The following SPATA17 variants were observed in gnomAD, a reference collection of about 807,000 sequenced individuals.
SPATA17 encodes spermatogenesis-associated protein 17.
In SPATA17, 53 loss-of-function variants were observed where a neutral mutation model predicts 62.2. The ratio of observed to expected loss-of-function variants is 0.85; its 90% CI spans 0.68 to 1.07. The LOEUF is 1.07. Ranked by LOEUF, SPATA17 falls within the 50% of genes least tolerant of loss-of-function variation. The pLI, the probability that SPATA17 is intolerant of heterozygous loss-of-function variation, is 0.00. For synonymous variants in SPATA17, 146 were observed against 146.8 expected (o/e 0.99, Z 0.04); for missense variants, 466 against 425.5 (o/e 1.10, Z -0.84).
intron 4 of SPATA17, among the ~76,000 whole-genome samples, chr1:217,677,340 T>C (rs1351054474): frequency 1.3e-5 from 2 of 151,958 alleles, no homozygotes; most frequent in African/African-American, 2.4e-5. Context: ...AATGATTAAA[T>C]ATGTGTCAGA....
chr1:217,631,791 G>A (rs1045582894), intron 1 of SPATA17, among the ~76,000 whole-genome samples: 6 of 152,164 alleles, frequency 3.9e-5, no homozygotes, highest in African/African-American at 1.4e-4. Flanking sequence ...CTAGCCCAAT[G>A]AACTCAGATT....
At chr1:217,756,313 A>AT (rs1204699051) in intron 6 of SPATA17, among the ~76,000 whole-genome samples, 1 of 125,144 alleles carries the variant, frequency 8.0e-6, no homozygotes, top group Admixed American at 7.6e-5. Flanking sequence ...GCCCAAATAT[A>AT]TTTTTTGTGG....
chr1:217,769,732 A>G (rs573392354), intron 6 of SPATA17, among the ~76,000 whole-genome samples: 1 of 152,324 alleles, frequency 6.6e-6, no homozygotes, highest in African/African-American at 2.4e-5. Flanking sequence ...ATAAGTTCTG[A>G]CCAGATGTAT....
rs1674321411 is a variant in SPATA17 at position 217,801,835 on chromosome 1, A to C, written c.990A>C (p.Lys330Asn). 4 of 1,607,968 alleles carry C rather than the reference A, an allele frequency of 2.5e-6. No homozygotes were observed. In the East Asian group the frequency reaches 9.0e-5, roughly 36 times the overall value. ...KEQFRSENPK[K>N]WICDKDFQTV... ...AATTCCGAAGTGAAAATCCTAAGAAATGGATCTGTGACAAGGTGAGTTAAC... is the reference window on the plus strand; with the variant it reads ...AATTCCGAAGTGAAAATCCTAAGAACTGGATCTGTGACAAGGTGAGTTAAC... Residue 330 changes from lysine to asparagine, a missense_variant, in exon 9 of 11, where the codon AAA (lysine) becomes AAC (asparagine). Physicochemically the swap from Lys to Asn is moderately conservative, Grantham distance 94 (BLOSUM62 0). Transcript: ENST00000366933.
At chr1:217,725,699 G>C (rs1672244042) in intron 5 of SPATA17, among the ~76,000 whole-genome samples, 1 of 152,164 alleles carries the variant, frequency 6.6e-6, no homozygotes, top group African/African-American at 2.4e-5. Context: ...CTGACCTCAA[G>C]TGATCGGCCC....
chr1:217,780,860 A>G (rs1042373113), intron 7 of SPATA17, among the ~76,000 whole-genome samples: 5 of 152,174 alleles, frequency 3.3e-5, no homozygotes, highest in Non-Finnish European at 7.4e-5. Flanking sequence ...AATGATGAAC[A>G]TCGGCATAGA....
chr1:217,755,191 A>G (rs937725348), intron 6 of SPATA17, among the ~76,000 whole-genome samples: 1 of 152,068 alleles, frequency 6.6e-6, no homozygotes, highest in Non-Finnish European at 1.5e-5. Context: ...TTTTGGTGTG[A>G]TATGATTTTA....
intron 1 of SPATA17, among the ~76,000 whole-genome samples, chr1:217,631,701 G>C (rs1002130255): frequency 6.6e-6 from 1 of 152,110 alleles, no homozygotes; most frequent in African/African-American, 2.4e-5. Flanking sequence ...ATTGTAAAGT[G>C]CTTTTTTTCT....
chr1:217,777,122 C>T (rs1289699784), intron 7 of SPATA17, among the ~76,000 whole-genome samples: 2 of 152,124 alleles, frequency 1.3e-5, no homozygotes, highest in African/African-American at 4.8e-5. Context: ...TAAGACAGCC[C>T]TGCATTCTAT....
chr1:217,637,959 T>A (rs905408022), intron 1 of SPATA17, among the ~76,000 whole-genome samples: 2 of 152,146 alleles, frequency 1.3e-5, no homozygotes, highest in African/African-American at 4.8e-5. Flanking sequence ...GTAACAGGGA[T>A]AATAATGCCT....
At chr1:217,825,519 A>G (rs1316462989) in intron 9 of SPATA17, among the ~76,000 whole-genome samples, 1 of 151,918 alleles carries the variant, frequency 6.6e-6, no homozygotes, top group East Asian at 1.9e-4. Flanking sequence ...CTAAAGATTA[A>G]TCTGGTTTGG....
intron 5 of SPATA17, among the ~76,000 whole-genome samples, chr1:217,727,769 T>A (rs2102939152): frequency 6.6e-6 from 1 of 152,290 alleles, no homozygotes; most frequent in African/African-American, 2.4e-5. Context: ...GTAATAAGGA[T>A]GAAAAGGCAA....
chr1:217,851,900 T>C (rs1346326590), intron 9 of SPATA17, among the ~76,000 whole-genome samples: 2 of 152,220 alleles, frequency 1.3e-5, no homozygotes, highest in African/African-American at 4.8e-5. Flanking sequence ...CCTTCATTTG[T>C]TAGCTATGCC....
chr1:217,848,799 A>G (rs1322895208), intron 9 of SPATA17, among the ~76,000 whole-genome samples: 2 of 151,824 alleles, frequency 1.3e-5, no homozygotes, highest in Non-Finnish European at 2.9e-5. Context: ...GATCTTTTTT[A>G]CTGGAGCTCC....
chr1:217,774,183 T>G (rs1298532458), intron 6 of SPATA17, 151 bp from the exon 7 acceptor site: 3 of 615,402 alleles, frequency 4.9e-6, no homozygotes, highest in African/African-American at 1.8e-5. Flanking sequence ...TAAAATCTCT[T>G]TAGGTAAATC....
chr1:217,750,147 G>T (rs1571779659), intron 6 of SPATA17, among the ~76,000 whole-genome samples: 2 of 151,190 alleles, frequency 1.3e-5, no homozygotes, highest in African/African-American at 4.9e-5. Flanking sequence ...TACCGTTAAA[G>T]ATGTATTTCT....
At chr1:217,749,985 C>CTCTCTCTATATATATATATATA in intron 6 of SPATA17, among the ~76,000 whole-genome samples, 22 of 12,308 alleles carry the variant, frequency 1.8e-3, no homozygotes, top group Non-Finnish European at 2.4e-3. Flanking sequence ...CTCTCTCTCT[C>CTCTCTCTATATATATATATATA]TATATATATA....
chr1:217,812,156 C>T (rs2102992526), intron 9 of SPATA17, among the ~76,000 whole-genome samples: 1 of 152,218 alleles, frequency 6.6e-6, no homozygotes, highest in Admixed American at 6.5e-5. Context: ...CTTTCATTCA[C>T]TTATATTATT....
At position 217,742,066 on chromosome 1, in the gene SPATA17, C is replaced by G. The variant is rs895354165; in HGVS notation, c.487C>G (p.Arg163Gly). 9 of 1,613,936 alleles carry G rather than the reference C, an allele frequency of 5.6e-6. No individual in the cohort carries two copies. The highest frequency in any genetic ancestry group is 2.7e-5 in the African/African-American group (2 of 74,876). Residue 163 changes from arginine (R) to glycine (G), a missense_variant, in exon 6 of 11, where the codon CGA (arginine) becomes GGA (glycine). Coordinates refer to ENST00000366933, the MANE Select transcript of SPATA17 (RefSeq NM_138796.4). ...AGAGAAGAAAAGAGATTACCAAGCC[C>G]GAAAGATGCATTACCTCCTCAGCAC... ...REEKKRDYQARKMHYLLSTKQ... is the reference protein window; with the variant it reads ...REEKKRDYQAGKMHYLLSTKQ...
Sources: gnomAD v4.1 joint callset for allele counts (sites outside exome capture counted in the v4.1 genomes callset) on GRCh38, gnomAD v4.1.1 for gene constraint, MANE v1.5 for transcripts, NCBI Gene and HGNC (gene_info 2026-07-23, HGNC 2026-07-21) for gene names.